The following SNCAIP variants were observed in gnomAD, a reference collection of about 807,000 sequenced individuals.
SNCAIP encodes synuclein alpha interacting protein.
In SNCAIP, 43 loss-of-function variants were observed where a neutral mutation model predicts 86.7. The ratio of observed to expected loss-of-function variants is 0.50; its 90% CI spans 0.39 to 0.64. SNCAIP has a LOEUF of 0.64. Among genes scored for constraint, SNCAIP ranks in the 30% least tolerant of loss-of-function variants. The pLI is 0.00. For missense variants in SNCAIP, 981 were observed against 1,103.1 expected (o/e 0.89, Z 1.57); for synonymous variants, 417 against 427.2 (o/e 0.98, Z 0.29).
intron 1 of SNCAIP, among the ~76,000 whole-genome samples, chr5:122,361,999 TA>T (rs1240830551): frequency 1.3e-5 from 2 of 152,244 alleles, no homozygotes; most frequent in Admixed American, 6.5e-5. Context: ...GTGAGTGTTT[TA>T]AATTCCAGCT....
chr5:122,443,146 G>T (rs1781444592), intron 7 of SNCAIP, among the ~76,000 whole-genome samples: 1 of 152,144 alleles, frequency 6.6e-6, no homozygotes, highest in South Asian at 2.1e-4. Context: ...ACCTTTCATG[G>T]TGAGTGATCA....
At chr5:122,432,214 TTTG>T (rs1383203413) in intron 6 of SNCAIP, 132 bp downstream of exon 6, 1 of 648,848 alleles carries the variant, frequency 1.5e-6, no homozygotes, top group Non-Finnish European at 2.8e-6. Context: ...ACCAATGATA[TTTG>T]TTGTTATTTT....
At chr5:122,425,237 C>T in intron 4 of SNCAIP, 115 bp from the exon 5 acceptor site, 1 of 817,764 alleles carries the variant, frequency 1.2e-6, no homozygotes, top group Non-Finnish European at 2.2e-6. Context: ...ATCCCCAAGG[C>T]TGCCACCAGA....
chr5:122,324,909 CCTGACAGCATAGAAATAACAT>C (rs1454601797), intron 1 of SNCAIP, among the ~76,000 whole-genome samples: 7 of 152,148 alleles, frequency 4.6e-5, no homozygotes, highest in African/African-American at 1.7e-4. Context: ...TCCCAAAACA[CCTGACAGCATAGAAATAACAT>C]GGGATCGAGG....
chr5:122,402,306 G>T (rs1359760226), intron 2 of SNCAIP, among the ~76,000 whole-genome samples: 1 of 152,090 alleles, frequency 6.6e-6, no homozygotes, highest in Non-Finnish European at 1.5e-5. Flanking sequence ...GTGTACCTGT[G>T]CTACCCCAGA....
Position 122,346,445 on chromosome 5 carries a change from A to G in SNCAIP, c.-47+34161A>G, listed in dbSNP as rs565261852. Among the ~76,000 whole-genome samples the G allele has an allele frequency of 4.0e-4, 61 of 152,288 alleles. 1 individual carries two copies. In the South Asian group the frequency reaches 0.011, roughly 26 times the overall value. On this transcript the variant is annotated intron_variant, in intron 1 of 10. Coordinates refer to ENST00000261368, the MANE Select transcript of SNCAIP (RefSeq NM_005460.4). Reference sequence around the variant, plus strand: ...CTCTATATTTTCTAAGTATATTAACATCACTAAATGAGGTTAAAAGTAGGA... The same window carrying G: ...CTCTATATTTTCTAAGTATATTAACGTCACTAAATGAGGTTAAAAGTAGGA...
In SNCAIP at chr5:122,423,353, C is replaced by T. The variant is rs199677929; in HGVS notation, c.616C>T (p.Pro206Ser). 1.9e-6 allele frequency: 3 copies of T among 1,613,732 alleles called. No individual in the cohort carries two copies. Among genetic ancestry groups the T allele is most frequent in the Non-Finnish European group, 2.5e-6 (3 of 1,179,858 alleles). Residue 206 changes from proline (P) to serine (S), a missense_variant, in exon 4 of 11, where the codon CCA (proline) becomes TCA (serine). By Grantham distance (74) the Pro-to-Ser change is moderately conservative. Transcript: ENST00000261368. ...SSESSSSNMA[P>S]FCVLSPVKSP... ...TGAGAGCTCATCATCCAACATGGCA[C>T]CATTTTGTGTTCTTTCTCCCGTGAA... is the stretch of plus-strand genomic sequence containing the variant.
At chr5:122,348,703 G>A (rs531891693) in intron 1 of SNCAIP, among the ~76,000 whole-genome samples, 2 of 152,074 alleles carry the variant, frequency 1.3e-5, no homozygotes, top group African/African-American at 4.8e-5. Context: ...CAGCAGAATT[G>A]GACCAATGAA....
At chr5:122,337,584 G>C (rs1184438861) in intron 1 of SNCAIP, among the ~76,000 whole-genome samples, 1 of 152,118 alleles carries the variant, frequency 6.6e-6, no homozygotes, top group African/African-American at 2.4e-5. Context: ...TGTCACCCAG[G>C]CTGGAGTGCA....
intron 1 of SNCAIP, among the ~76,000 whole-genome samples, chr5:122,360,586 G>T (rs887161895): frequency 2.0e-5 from 3 of 152,100 alleles, no homozygotes; most frequent in Non-Finnish European, 4.4e-5. Flanking sequence ...CTTAACCTAT[G>T]TCTCCATTTT....
Position 122,423,397 on chromosome 5 carries a change from A to T in SNCAIP, c.660A>T (p.Lys220Asn), listed in dbSNP as rs1211203804. 1.2e-6 allele frequency: 2 copies of T among 1,613,616 alleles called. No individual in the cohort carries two copies. The highest frequency in any genetic ancestry group is 2.2e-5 in the South Asian group (2 of 91,064). Residue 220 changes from lysine to asparagine, a missense_variant, in exon 4 of 11, where the codon AAA becomes AAT. Transcript: ENST00000261368. ...CCGTGAAAAGCCCTCACTTGAGAAA[A>T]GCATCAGCTGTCATCCACGACCAGC... ...LSPVKSPHLRKASAVIHDQHK... is the reference protein window; with the variant it reads ...LSPVKSPHLRNASAVIHDQHK...
intron 3 of SNCAIP, among the ~76,000 whole-genome samples, chr5:122,419,215 A>G (rs1438564211): frequency 6.6e-6 from 1 of 151,946 alleles, no homozygotes; most frequent in Non-Finnish European, 1.5e-5. Flanking sequence ...GGGGAAGGGG[A>G]GGGAGTGGGC....
chr5:122,335,956 G>A (rs1300975310), intron 1 of SNCAIP, among the ~76,000 whole-genome samples: 1 of 152,214 alleles, frequency 6.6e-6, no homozygotes, highest in Non-Finnish European at 1.5e-5. Context: ...GGCGATTCAT[G>A]ACAATGCCCT....
At chr5:122,350,833 G>A (rs1759629666) in intron 1 of SNCAIP, among the ~76,000 whole-genome samples, 1 of 152,148 alleles carries the variant, frequency 6.6e-6, no homozygotes, top group African/African-American at 2.4e-5. Flanking sequence ...GAGTGTTCAT[G>A]ATGAAGTGAG....
At chr5:122,387,671 A>G (rs1292821407) in intron 1 of SNCAIP, among the ~76,000 whole-genome samples, 1 of 152,166 alleles carries the variant, frequency 6.6e-6, no homozygotes, top group Non-Finnish European at 1.5e-5. Context: ...AAGTGTCACC[A>G]TGTAAATCCA....
chr5:122,361,454 G>T (rs567293973), intron 1 of SNCAIP, among the ~76,000 whole-genome samples: 16 of 152,210 alleles, frequency 1.1e-4, no homozygotes, highest in African/African-American at 3.9e-4. Flanking sequence ...TGCATCAAAG[G>T]AAGGTTTAAA....
At chr5:122,387,299 C>T (rs963597116) in intron 1 of SNCAIP, among the ~76,000 whole-genome samples, 2 of 152,020 alleles carry the variant, frequency 1.3e-5, no homozygotes, top group Admixed American at 6.6e-5. Flanking sequence ...GCTGGGACTA[C>T]AGGCGCCCAC....
intron 3 of SNCAIP, among the ~76,000 whole-genome samples, chr5:122,420,143 T>C (rs139545150): frequency 1.2e-3 from 181 of 152,320 alleles, no homozygotes; most frequent in African/African-American, 4.2e-3. Context: ...AGCCATAGGT[T>C]TGAAGAAGGA....
intron 1 of SNCAIP, among the ~76,000 whole-genome samples, chr5:122,353,828 A>G (rs925552876): frequency 2.6e-5 from 4 of 152,102 alleles, no homozygotes; most frequent in Non-Finnish European, 5.9e-5. Flanking sequence ...AGCAGCGTGA[A>G]AATGGACTAA....
Sources: allele counts gnomAD v4.1 joint callset (sites outside exome capture counted in the v4.1 genomes callset), GRCh38; gene constraint gnomAD v4.1.1; transcripts MANE v1.5; gene names NCBI Gene and HGNC (gene_info 2026-07-23, HGNC 2026-07-21).